Variants in STK10 observed in about 807,000 individuals in gnomAD.
STK10 encodes serine/threonine-protein kinase 10.
STK10 carries 78 observed loss-of-function variants against 113.8 expected under a neutral mutation model. The observed-to-expected ratio is 0.69, with a 90% confidence interval of 0.57 to 0.83. The LOEUF is 0.83. STK10 is among the 40% of genes least tolerant of loss of function. The probability of loss-of-function intolerance (pLI) is 0.00; values close to 1 mark genes in which losing one functional copy is unlikely to be tolerated. For synonymous variants in STK10, 465 were observed against 494.7 expected (o/e 0.94, Z 0.80); for missense variants, 1,109 against 1,280.1 (o/e 0.87, Z 2.04).
intron 2 of STK10, among the ~76,000 whole-genome samples, chr5:172,155,634 C>T (rs1770332755): frequency 6.6e-6 from 1 of 151,534 alleles, no homozygotes; most frequent in African/African-American, 2.4e-5. Flanking sequence ...AGGAAATAGC[C>T]TAAATGCCCA....
chr5:172,061,010 T>C (rs1767920251), intron 14 of STK10, 129 bp downstream of exon 14: 5 of 1,385,638 alleles, frequency 3.6e-6, no homozygotes, highest in East Asian at 2.5e-5. Context: ...GGTTTCCCCA[T>C]GAAGAATGAT....
At chr5:172,157,810 C>T (rs1438486516) in intron 1 of STK10, among the ~76,000 whole-genome samples, 3 of 151,910 alleles carry the variant, frequency 2.0e-5, no homozygotes, top group South Asian at 2.1e-4. Flanking sequence ...GGGCTGGTCT[C>T]GAACTCCTGG....
rs374892244 is a variant in STK10 at position 172,090,863 on chromosome 5, A to C, written c.1555-501T>G. Among the ~76,000 whole-genome samples the C allele has an allele frequency of 9.3e-5, 13 of 139,264 alleles. 1 individual carries two copies. The East Asian group carries it at 1.4e-3, about 15-fold the overall frequency. The allele number at this position is 139,264 out of a possible 152,430, so 91.4% of individuals were successfully genotyped here. A position where few individuals can be genotyped will look rare whatever the true frequency, so the allele number is the denominator to read the frequency against. On this transcript the variant is annotated intron_variant, in intron 9 of 18. Transcript: ENST00000176763. ...GGCAGGAGAATCACTTGAACCCAGG[A>C]GGCGGAGTTTGCAGAGAGCTTAGAT... is the stretch of plus-strand genomic sequence containing the variant.
chr5:172,061,077 C>T (rs1245049037), intron 14 of STK10, 62 bp downstream of exon 14: 14 of 1,519,552 alleles, frequency 9.2e-6, no homozygotes, highest in Non-Finnish European at 2.6e-6. Context: ...CCCCACTTCC[C>T]AGGGCTGGGA....
At position 172,093,061 on chromosome 5, in the gene STK10, C is replaced by T; in HGVS notation, c.1554+351G>A. On this transcript the variant is annotated intron_variant, in intron 9 of 18. Coordinates refer to ENST00000176763, the MANE Select transcript of STK10 (RefSeq NM_005990.4). This position sits in a 1 kb window ranked among gnomAD's most constrained non-coding sequence, Gnocchi z 4.1. ...AAGGCCCCGGAGGCGGGGAAGATGG[C>T]TTTGAGCTGTTTCCTTTAGTTGGAT... The T allele has an allele frequency of 4.9e-6, 1 of 205,454 alleles. No individual in the cohort carries two copies. Among genetic ancestry groups the T allele is most frequent in the Non-Finnish European group, 1.0e-5 (1 of 100,176 alleles). The allele number at this position is 205,454 out of a possible 1,614,324, so 12.7% of individuals were successfully genotyped here.
chr5:172,121,604 C>A (rs951112141), intron 3 of STK10, among the ~76,000 whole-genome samples: 1 of 151,932 alleles, frequency 6.6e-6, no homozygotes, highest in African/African-American at 2.4e-5. Flanking sequence ...GTTAGGAGTT[C>A]AAGACCAGCC....
chr5:172,178,155 A>T (rs753235706), intron 1 of STK10, among the ~76,000 whole-genome samples: 3 of 152,232 alleles, frequency 2.0e-5, no homozygotes, highest in Admixed American at 6.5e-5. Context: ...ATACTTACAG[A>T]GAAGACCGAA....
At chr5:172,135,524 A>C (rs114555617) in intron 2 of STK10, among the ~76,000 whole-genome samples, 1 of 151,874 alleles carries the variant, frequency 6.6e-6, no homozygotes, top group Non-Finnish European at 1.5e-5. Context: ...AAAACAAAAG[A>C]TAAACAACAG....
intron 4 of STK10, among the ~76,000 whole-genome samples, chr5:172,108,571 G>A (rs1160087954): frequency 6.9e-6 from 1 of 145,914 alleles, no homozygotes; most frequent in African/African-American, 2.5e-5. Context: ...AGCTGCAATC[G>A]CACCACTGCG....
At position 172,054,624 on chromosome 5, in the gene STK10, A is replaced by G; in HGVS notation, c.2597T>C (p.Met866Thr). 1 of 1,610,878 alleles carries G rather than the reference A, an allele frequency of 6.2e-7. No homozygotes were observed. Residue 866 changes from methionine to threonine, a missense_variant, in exon 17 of 19, where the codon ATG becomes ACG. Met to Thr is a moderately conservative substitution (Grantham distance 81). Coordinates refer to ENST00000176763, the MANE Select transcript of STK10 (RefSeq NM_005990.4). Reference protein sequence around the residue: ...LQQQQKHENQMRDMLAQCESN... With the variant: ...LQQQQKHENQTRDMLAQCESN... Reference sequence around the variant, plus strand: ...CTCACACTGCGCCAGCATGTCCCGCATCTGGTTCTCGTGTTTCTGCTGTTG... The same window carrying G: ...CTCACACTGCGCCAGCATGTCCCGCGTCTGGTTCTCGTGTTTCTGCTGTTG...
intron 1 of STK10, among the ~76,000 whole-genome samples, chr5:172,161,159 A>C (rs1211854424): frequency 6.6e-6 from 1 of 152,094 alleles, no homozygotes; most frequent in Non-Finnish European, 1.5e-5. Flanking sequence ...AGGAAGCAAT[A>C]CTAAGGGGTG....
Position 172,187,860 on chromosome 5 carries a change from T to G in STK10, c.156+27A>C, listed in dbSNP as rs758293429. The G allele has an allele frequency of 4.3e-6, 7 of 1,609,592 alleles. No homozygotes were observed. Among genetic ancestry groups the G allele is most frequent in the Non-Finnish European group, 5.9e-6 (7 of 1,178,308 alleles). ...TCCTTCCGGAGCCCCTCGACGCGCG[T>G]CCGGCCACCCACCTCAGCGCCCTCA... On this transcript the variant is annotated intron_variant, in intron 1 of 18. Coordinates refer to ENST00000176763, the MANE Select transcript of STK10 (RefSeq NM_005990.4). The surrounding 1 kb of genome is among the most constrained non-coding windows in gnomAD (Gnocchi z 4.6).
At chr5:172,105,235 T>G (rs1769072274) in intron 7 of STK10, among the ~76,000 whole-genome samples, 1 of 136,704 alleles carries the variant, frequency 7.3e-6, no homozygotes, top group African/African-American at 2.7e-5. Context: ...GTTTGCCTCC[T>G]CTCCCTCTGG....
At chr5:172,184,357 C>T (rs1260713260) in intron 1 of STK10, among the ~76,000 whole-genome samples, 1 of 152,054 alleles carries the variant, frequency 6.6e-6, no homozygotes, top group Non-Finnish European at 1.5e-5. Flanking sequence ...GATCTCTGAT[C>T]CAGGATGGGT....
intron 14 of STK10, among the ~76,000 whole-genome samples, chr5:172,059,087 G>A (rs920772982): frequency 2.0e-5 from 3 of 150,926 alleles, no homozygotes; most frequent in African/African-American, 7.3e-5. Flanking sequence ...AAAATTAGCT[G>A]GGCATGGTGG....
intron 12 of STK10, among the ~76,000 whole-genome samples, chr5:172,078,603 A>C (rs1768360564): frequency 7.3e-6 from 1 of 137,532 alleles, no homozygotes; most frequent in African/African-American, 2.7e-5. Context: ...GTGCCACTGC[A>C]TTCCAGCCTC....
chr5:172,068,102 A>C (rs1768107518), intron 12 of STK10, among the ~76,000 whole-genome samples: 1 of 152,200 alleles, frequency 6.6e-6, no homozygotes, highest in Non-Finnish European at 1.5e-5. Context: ...GCACTTGGGG[A>C]GGCTAAGGCG....
intron 2 of STK10, among the ~76,000 whole-genome samples, chr5:172,145,647 G>A (rs963074579): frequency 6.6e-6 from 1 of 152,232 alleles, no homozygotes; most frequent in Non-Finnish European, 1.5e-5. Context: ...CCACTCTGGA[G>A]CCAGACACAC....
chr5:172,124,457 G>A (rs1036169219), intron 3 of STK10, among the ~76,000 whole-genome samples: 7 of 151,892 alleles, frequency 4.6e-5, no homozygotes, highest in Non-Finnish European at 1.0e-4. Context: ...ATCTTCAAAG[G>A]CAGTGCCTGC....
Sources: gnomAD v4.1 joint callset for allele counts (sites outside exome capture counted in the v4.1 genomes callset) on GRCh38, gnomAD v4.1.1 for gene constraint, Gnocchi (gnomAD v3.1) non-coding constraint, MANE v1.5 for transcripts, NCBI Gene and HGNC (gene_info 2026-07-23, HGNC 2026-07-21) for gene names.